The following AKIRIN2 variants were observed in gnomAD, a reference collection of about 807,000 sequenced individuals.
The protein encoded by AKIRIN2 is akirin-2.
A neutral mutation model predicts 29.3 loss-of-function variants in AKIRIN2; 6 were observed. The ratio of observed to expected loss-of-function variants is 0.20; its 90% CI spans 0.11 to 0.40. The LOEUF is 0.40. Among genes scored for constraint, AKIRIN2 ranks in the 10% least tolerant of loss-of-function variants. AKIRIN2 has a pLI of 1.00. For synonymous variants in AKIRIN2, 128 were observed against 117.5 expected, an observed-to-expected ratio of 1.09 and a Z score of -0.58; for missense variants, 210 against 276.1, an observed-to-expected ratio of 0.76 and a Z score of 1.70.
intron 2 of AKIRIN2, among the ~76,000 whole-genome samples, chr6:87,680,615 G>A (rs994221589): frequency 6.6e-6 from 1 of 151,998 alleles, no homozygotes; most frequent in Admixed American, 6.6e-5. Flanking sequence ...TTGCTAGGGG[G>A]AGGAGAGAAA....
intron 1 of AKIRIN2, among the ~76,000 whole-genome samples, chr6:87,696,699 CA>C (rs35676911): frequency 0.13 from 11,470 of 87,680 alleles, 483 homozygotes; most frequent in East Asian, 0.22. Context: ...AGACTCCATC[CA>C]AAAAAAAAAA....
At chr6:87,696,010 C>T (rs989124541) in intron 1 of AKIRIN2, among the ~76,000 whole-genome samples, 6 of 151,910 alleles carry the variant, frequency 3.9e-5, no homozygotes, top group Non-Finnish European at 4.4e-5. Context: ...GAAACCCCAT[C>T]TCTACAAAAA....
At chr6:87,679,067 G>A (rs773510024) in intron 2 of AKIRIN2, among the ~76,000 whole-genome samples, 19 of 151,328 alleles carry the variant, frequency 1.3e-4, no homozygotes, top group Admixed American at 3.3e-4. Context: ...CACAGGAGGC[G>A]GAGGTTGCAG....
At chr6:87,691,318 G>A (rs1771274935) in intron 1 of AKIRIN2, among the ~76,000 whole-genome samples, 2 of 151,700 alleles carry the variant, frequency 1.3e-5, no homozygotes, top group Non-Finnish European at 2.9e-5. Flanking sequence ...ATACACATCT[G>A]TAATCCCAGC....
At chr6:87,681,163 G>A (rs1038015295) in intron 2 of AKIRIN2, among the ~76,000 whole-genome samples, 1 of 151,954 alleles carries the variant, frequency 6.6e-6, no homozygotes, top group Non-Finnish European at 1.5e-5. Flanking sequence ...TCAGGCTCCC[G>A]AGGGGCTGGG....
In AKIRIN2 at chr6:87,677,881, A is replaced by G. The variant is rs1339418023; in HGVS notation, c.466T>C (p.Leu156=). ...RQVGMICERL[L]KEREEKVREE... ...CGAACTTTCTCTTCACGTTCTTTCA[A>G]CAAACGTTCACAGATCATCCCAACC... Residue 156 remains leucine, a synonymous_variant, in exon 3 of 5, where the codon TTG becomes CTG. Transcript: ENST00000257787. The G allele has an allele frequency of 1.2e-6, 2 of 1,614,000 alleles. No homozygotes were observed. The highest frequency in any genetic ancestry group is 4.5e-5 in the East Asian group (2 of 44,884).
chr6:87,688,045 T>C (rs1381782476), intron 1 of AKIRIN2, among the ~76,000 whole-genome samples: 2 of 152,036 alleles, frequency 1.3e-5, no homozygotes, highest in African/African-American at 2.4e-5. Flanking sequence ...GGTAGAAAGA[T>C]AGTTTGATCC....
At position 87,701,571 on chromosome 6, in the gene AKIRIN2, G is replaced by A. The variant is rs542207482; in HGVS notation, c.114C>T (p.Ala38=). Residue 38 remains alanine (A), a synonymous_variant, in exon 1 of 5, where the codon GCC becomes GCT. Transcript: ENST00000257787. ...APLSAPTSAA[A]SPLSAAAATA... ...TGGCCGCGGCCGCCGACAACGGGGA[G>A]GCAGCGGCCGAGGTGGGCGCCGACA... 135 of 1,416,420 alleles carry A rather than the reference G, an allele frequency of 9.5e-5. 2 individuals carry two copies. In the South Asian group the frequency reaches 2.0e-3, roughly 21 times the overall value. The allele number at this position is 1,416,420 out of a possible 1,614,324, so 87.7% of individuals were successfully genotyped here.
rs538945514 is a variant in AKIRIN2, at chr6:87,684,709, T to C, written c.236-2946A>G. On this transcript the variant is annotated intron_variant, in intron 1 of 4. Transcript: ENST00000257787. The stretch of plus-strand genomic sequence containing the variant: ...TCATGTATGTTGCATGAATCAGAAA[T>C]TCCTTTTTATTGGTGAGTATTCCAT... Among the ~76,000 whole-genome samples the C allele has an allele frequency of 3.9e-5, 6 of 152,354 alleles. No homozygotes were observed. The East Asian group carries it at 1.2e-3, about 29-fold the overall frequency.
chr6:87,680,224 AG>A (rs1404642588), intron 2 of AKIRIN2, among the ~76,000 whole-genome samples: 1 of 150,918 alleles, frequency 6.6e-6, no homozygotes, highest in African/African-American at 2.4e-5. Flanking sequence ...GGCAGTATTT[AG>A]TTTTGAACAA....
chr6:87,676,056 G>T, intron 3 of AKIRIN2, 125 bp from the exon 4 acceptor site: 1 of 701,950 alleles, frequency 1.4e-6, no homozygotes, highest in Non-Finnish European at 2.4e-6. Context: ...AACCTCAGTA[G>T]TACTAATAGT....
intron 1 of AKIRIN2, among the ~76,000 whole-genome samples, chr6:87,691,130 TA>T (rs1210268501): frequency 5.3e-5 from 8 of 152,138 alleles, no homozygotes; most frequent in Non-Finnish European, 1.2e-4. Flanking sequence ...GAGCGAAGGC[TA>T]CCAAGATCTG....
intron 1 of AKIRIN2, among the ~76,000 whole-genome samples, chr6:87,690,221 C>A (rs71572774): frequency 0.032 from 4,723 of 148,638 alleles, 95 homozygotes; most frequent in Middle Eastern, 0.052. Flanking sequence ...AAAAAAAAAC[C>A]AAAAAAACAA....
At position 87,695,848 on chromosome 6, in the gene AKIRIN2, T is replaced by C. The variant is rs149405974; in HGVS notation, c.235+5602A>G. 2.4e-4 allele frequency among the ~76,000 whole-genome samples: 36 copies of C among 152,244 alleles called. No homozygotes were observed. The East Asian group carries it at 6.9e-3, about 29-fold the overall frequency. On this transcript the variant is annotated intron_variant, in intron 1 of 4. Coordinates refer to ENST00000257787, the MANE Select transcript of AKIRIN2 (RefSeq NM_018064.4). ...TCTCAATCTTTCAAAACGAAAGCTT[T>C]CTATCACTGTCTTTCTAGATCTATC...
At chr6:87,677,619 G>A (rs949517835) in intron 3 of AKIRIN2, among the ~76,000 whole-genome samples, 199 bp downstream of exon 3, 1 of 152,086 alleles carries the variant, frequency 6.6e-6, no homozygotes, top group African/African-American at 2.4e-5. Flanking sequence ...TGATCTACAC[G>A]GCTAGCCAAT....
chr6:87,686,552 C>T (rs1771191311), intron 1 of AKIRIN2, among the ~76,000 whole-genome samples: 1 of 151,934 alleles, frequency 6.6e-6, no homozygotes, highest in Non-Finnish European at 1.5e-5. Context: ...CTGCTCCAGA[C>T]CCACAAAGCT....
intron 2 of AKIRIN2, 85 bp from the exon 3 acceptor site, chr6:87,678,052 C>A (rs2128300815): frequency 8.1e-7 from 1 of 1,235,540 alleles, no homozygotes. Context: ...TTATTTGGAT[C>A]TCTTCAATCT....
intron 1 of AKIRIN2, among the ~76,000 whole-genome samples, chr6:87,683,046 T>C (rs1771141560): frequency 6.6e-6 from 1 of 152,212 alleles, no homozygotes; most frequent in Non-Finnish European, 1.5e-5. Flanking sequence ...TTTCTCACTT[T>C]ATTTCCCTAG....
At chr6:87,686,474 T>C (rs147607098) in intron 1 of AKIRIN2, among the ~76,000 whole-genome samples, 14 of 151,694 alleles carry the variant, frequency 9.2e-5, no homozygotes, top group African/African-American at 3.4e-4. Context: ...GGAGGTGGGG[T>C]GTCAAAATAT....
Sources: gnomAD v4.1 joint callset for allele counts (sites outside exome capture counted in the v4.1 genomes callset) on GRCh38, gnomAD v4.1.1 for gene constraint, MANE v1.5 for transcripts, NCBI Gene and HGNC (gene_info 2026-07-23, HGNC 2026-07-21) for gene names.